Variants in MAPKAP1 observed in about 807,000 individuals in gnomAD.
MAPKAP1 encodes the protein MAPK associated protein 1.
In MAPKAP1, 20 loss-of-function variants were observed where a neutral mutation model predicts 65.7. The ratio of observed to expected loss-of-function variants is 0.30; its 90% confidence interval spans 0.21 to 0.44. MAPKAP1 has a LOEUF of 0.44. Among genes scored for constraint, MAPKAP1 ranks in the 20% least tolerant of loss-of-function variants. The probability of loss-of-function intolerance (pLI) is 1.00; values close to 1 mark genes in which losing one functional copy is unlikely to be tolerated. For synonymous variants in MAPKAP1, 222 were observed against 244.3 expected, an observed-to-expected ratio of 0.91 and a Z score of 0.85; for missense variants, 423 against 648.0, an observed-to-expected ratio of 0.65 and a Z score of 3.77.
chr9:125,578,239 C>G (rs890812531), intron 5 of MAPKAP1, among the ~76,000 whole-genome samples: 5 of 152,022 alleles, frequency 3.3e-5, no homozygotes, highest in African/African-American at 9.7e-5. Context: ...GCAGCATGCT[C>G]GTTAGGAGTC....
intron 9 of MAPKAP1, among the ~76,000 whole-genome samples, chr9:125,468,811 A>G (rs1853783485): frequency 6.6e-6 from 1 of 152,242 alleles, no homozygotes; most frequent in Non-Finnish European, 1.5e-5. Flanking sequence ...CGCAACAGGA[A>G]TCCAGAATGT....
intron 1 of MAPKAP1, among the ~76,000 whole-genome samples, chr9:125,680,067 A>G (rs1427210423): frequency 6.6e-6 from 1 of 152,002 alleles, no homozygotes; most frequent in Non-Finnish European, 1.5e-5. Context: ...AGTTAACAAC[A>G]TGTAACAGCA....
intron 6 of MAPKAP1, among the ~76,000 whole-genome samples, chr9:125,557,516 T>C (rs1208670600): frequency 6.6e-6 from 1 of 152,242 alleles, no homozygotes; most frequent in East Asian, 1.9e-4. Context: ...CAGAGGGCTA[T>C]TGTCAATAAA....
Position 125,439,423 on chromosome 9 carries a change from G to A in MAPKAP1, c.1444-411C>T, listed in dbSNP as rs1852400415. 6.6e-6 allele frequency among the ~76,000 whole-genome samples: 1 copy of A among 152,160 alleles called. No homozygotes were observed. Among genetic ancestry groups the A allele is most frequent in the Admixed American group, 6.6e-5 (1 of 15,266 alleles). On this transcript the variant is annotated intron_variant, in intron 11 of 11. Transcript: ENST00000265960. The surrounding 1 kb of genome is among the most constrained non-coding windows in gnomAD (Gnocchi z 4.0). ...TCCCTGTGTGAAGGCCGAGAACACA[G>A]GGATGAAAAGCAAACCAAGACAGGC...
chr9:125,496,076 T>C (rs541497336), intron 8 of MAPKAP1, among the ~76,000 whole-genome samples: 1 of 152,208 alleles, frequency 6.6e-6, no homozygotes, highest in South Asian at 2.1e-4. Flanking sequence ...CTTTACAGGG[T>C]AGGGAATACC....
chr9:125,607,497 TG>T (rs1832472534), intron 4 of MAPKAP1, among the ~76,000 whole-genome samples: 1 of 152,214 alleles, frequency 6.6e-6, no homozygotes, highest in African/African-American at 2.4e-5. Context: ...AGAGTTGAAA[TG>T]GAAGCTTGCA....
chr9:125,532,591 G>A (rs1023640094), intron 7 of MAPKAP1, among the ~76,000 whole-genome samples: 1 of 152,158 alleles, frequency 6.6e-6, no homozygotes, highest in Non-Finnish European at 1.5e-5. Context: ...TTGATTGTTG[G>A]TTGCAGCCTT....
At chr9:125,596,306 CA>C (rs1159839358) in intron 4 of MAPKAP1, 18 of 759,978 alleles carry the variant, frequency 2.4e-5, no homozygotes, top group Non-Finnish European at 4.3e-5. Flanking sequence ...GTAGGAATGA[CA>C]ACTTTGGTCA....
At chr9:125,517,689 GCAT>G (rs1294779032) in intron 7 of MAPKAP1, among the ~76,000 whole-genome samples, 2 of 152,206 alleles carry the variant, frequency 1.3e-5, no homozygotes, top group East Asian at 1.9e-4. Context: ...AACTGTAGGA[GCAT>G]CATAATTCTT....
At chr9:125,680,586 G>T (rs534886105) in intron 1 of MAPKAP1, among the ~76,000 whole-genome samples, 59 of 152,280 alleles carry the variant, frequency 3.9e-4, no homozygotes, top group African/African-American at 1.4e-3. Flanking sequence ...TATATCTGGA[G>T]AGTTTGTTTC....
Position 125,693,688 on chromosome 9 carries a change from T to TATATATACAC in MAPKAP1, c.-70+13273_-70+13282dup, listed in dbSNP as rs1835270400. Among the ~76,000 whole-genome samples, 3 of 132,224 alleles carry TATATATACAC rather than the reference T, an allele frequency of 2.3e-5. No homozygotes were observed. The South Asian group carries it at 7.0e-4, about 31-fold the overall frequency. 86.7% of individuals were successfully genotyped at this position (132,224 alleles called of 152,430 possible). Reference sequence around the variant, plus strand: ...ACACATATACACGTATATATACACGTATATATACACGTATATATACACATA... The same window carrying TATATATACAC: ...ACACATATACACGTATATATACACGTATATATACACATATATACACGTATATATACACATA... On this transcript the variant is annotated intron_variant, in intron 1 of 11. Coordinates refer to ENST00000265960, the MANE Select transcript of MAPKAP1 (RefSeq NM_001006617.3).
rs1830693174 is a variant in MAPKAP1 at position 125,554,865 on chromosome 9, G to GACACATT, written c.848+4761_848+4767dup. 6.6e-5 allele frequency among the ~76,000 whole-genome samples: 10 copies of GACACATT among 151,364 alleles called. No homozygotes were observed. In the South Asian group the frequency reaches 2.1e-3, roughly 32 times the overall value. Reference sequence around the variant, plus strand: ...TAAAATTTATGTGTTTGTGTGGGGGGACACATTATAAATCAATTGGCCCAC... The same window carrying GACACATT: ...TAAAATTTATGTGTTTGTGTGGGGGGACACATTACACATTATAAATCAATTGGCCCAC... On this transcript the variant is annotated intron_variant, in intron 6 of 11. Coordinates refer to ENST00000265960, the MANE Select transcript of MAPKAP1 (RefSeq NM_001006617.3).
At chr9:125,658,286 A>T (rs180698571) in intron 3 of MAPKAP1, among the ~76,000 whole-genome samples, 2 of 152,212 alleles carry the variant, frequency 1.3e-5, no homozygotes, top group African/African-American at 4.8e-5. Context: ...CACCTTGTAC[A>T]AACTCTTGAT....
chr9:125,691,635 A>T (rs571612988), intron 1 of MAPKAP1, among the ~76,000 whole-genome samples: 1 of 152,234 alleles, frequency 6.6e-6, no homozygotes, highest in Non-Finnish European at 1.5e-5. Flanking sequence ...ACCAAGGAAC[A>T]GCAATAGTTA....
chr9:125,624,432 T>G (rs1271327198), intron 4 of MAPKAP1, among the ~76,000 whole-genome samples: 25 of 49,632 alleles, frequency 5.0e-4, no homozygotes, highest in African/African-American at 6.5e-4. Flanking sequence ...GGGAGGGAGG[T>G]GGGGGGGGTC....
Position 125,513,124 on chromosome 9 carries a change from G to GC in MAPKAP1, c.959-6708dup, listed in dbSNP as rs200778140. The GC allele has an allele frequency of 9.6e-3, 1,457 of 152,362 alleles. 20 individuals carry two copies. The highest frequency in any genetic ancestry group is 0.023 in the South Asian group (110 of 4,814). The allele number at this position is 152,362 out of a possible 1,614,324, so 9.4% of individuals were successfully genotyped here. A position where few individuals can be genotyped will look rare whatever the true frequency, so the allele number is the denominator to read the frequency against. Reference sequence around the variant, plus strand: ...CAGCATAGCGCTGATCTAGGCTGTAGCCCAGAAATCCTGGACTCAAGCAAC... The same window carrying GC: ...CAGCATAGCGCTGATCTAGGCTGTAGCCCCAGAAATCCTGGACTCAAGCAAC... On this transcript the variant is annotated intron_variant, in intron 7 of 11. Coordinates refer to ENST00000265960, the MANE Select transcript of MAPKAP1 (RefSeq NM_001006617.3).
At chr9:125,576,757 G>C (rs2131553531) in intron 5 of MAPKAP1, among the ~76,000 whole-genome samples, 1 of 152,364 alleles carries the variant, frequency 6.6e-6, no homozygotes, top group East Asian at 1.9e-4. Flanking sequence ...CTAACCGCGA[G>C]TGATCCGCCA....
intron 5 of MAPKAP1, among the ~76,000 whole-genome samples, chr9:125,566,207 G>A (rs1831046439): frequency 6.6e-6 from 1 of 152,180 alleles, no homozygotes; most frequent in African/African-American, 2.4e-5. Context: ...CATTGTGTAT[G>A]GACTGAGGAA....
At chr9:125,451,539 T>C (rs997304787) in intron 10 of MAPKAP1, among the ~76,000 whole-genome samples, 1 of 152,174 alleles carries the variant, frequency 6.6e-6, no homozygotes, top group Non-Finnish European at 1.5e-5. Context: ...GCAGTGGGTA[T>C]GGCTGCCACC....
Sources: gnomAD v4.1 joint callset for allele counts (sites outside exome capture counted in the v4.1 genomes callset) on GRCh38, gnomAD v4.1.1 for gene constraint, Gnocchi (gnomAD v3.1) non-coding constraint, MANE v1.5 for transcripts, NCBI Gene and HGNC (gene_info 2026-07-23, HGNC 2026-07-21) for gene names.